KDM5A: variants seen among roughly 807,000 people sequenced by gnomAD.
The protein encoded by KDM5A is lysine demethylase 5A.
A neutral mutation model predicts 193.5 loss-of-function variants in KDM5A; 42 were observed. The ratio of observed to expected loss-of-function variants is 0.22; its 90% CI spans 0.17 to 0.28. KDM5A has a LOEUF of 0.28. Among genes scored for constraint, KDM5A ranks in the 10% least tolerant of loss-of-function variants. KDM5A has a pLI of 1.00. For missense variants in KDM5A, 1,692 were observed against 2,055.1 expected, an observed-to-expected ratio of 0.82 and a Z score of 3.42; for synonymous variants, 796 against 718.1, an observed-to-expected ratio of 1.11 and a Z score of -1.73.
intron 8 of KDM5A, among the ~76,000 whole-genome samples, chr12:352,828 G>GA (rs1223089833): frequency 6.6e-6 from 1 of 152,182 alleles, no homozygotes; most frequent in Non-Finnish European, 1.5e-5. Context: ...AACTGCCTCT[G>GA]AATCTTTCAA....
At chr12:382,935 A>C (rs2137497590) in intron 3 of KDM5A, among the ~76,000 whole-genome samples, 1 of 152,314 alleles carries the variant, frequency 6.6e-6, no homozygotes, top group East Asian at 1.9e-4. Flanking sequence ...CCATCTCAAA[A>C]AAAAGAGAAA....
At chr12:342,853 C>T (rs937803884) in intron 10 of KDM5A, among the ~76,000 whole-genome samples, 3 of 151,212 alleles carry the variant, frequency 2.0e-5, no homozygotes, top group East Asian at 2.0e-4. Flanking sequence ...CAGCTTCCAG[C>T]GTGCTCAACG....
chr12:313,975 G>A (rs75082855), intron 19 of KDM5A, among the ~76,000 whole-genome samples: 1,635 of 152,288 alleles, frequency 0.011, 14 homozygotes, highest in Middle Eastern at 0.027. Context: ...GGGTGATGTG[G>A]AGGGTTGGAG....
chr12:347,184 A>C (rs1944089245), intron 10 of KDM5A, among the ~76,000 whole-genome samples: 1 of 152,122 alleles, frequency 6.6e-6, no homozygotes, highest in Non-Finnish European at 1.5e-5. Flanking sequence ...AGAATAAAAC[A>C]CCTAGGAATC....
At chr12:326,567 A>C (rs1450623504) in intron 14 of KDM5A, among the ~76,000 whole-genome samples, 2 of 152,194 alleles carry the variant, frequency 1.3e-5, no homozygotes, top group African/African-American at 4.8e-5. Context: ...ACAGAAAGAA[A>C]CCACTGGATT....
At chr12:342,743 T>C (rs1944021798) in intron 10 of KDM5A, among the ~76,000 whole-genome samples, 2 of 144,842 alleles carry the variant, frequency 1.4e-5, no homozygotes, top group South Asian at 4.3e-4. Flanking sequence ...ATTACAGGCA[T>C]GGGCCACCGT....
intron 14 of KDM5A, among the ~76,000 whole-genome samples, chr12:328,281 A>G (rs77910030): frequency 0.012 from 1,894 of 152,252 alleles, 49 homozygotes; most frequent in African/African-American, 0.043. Flanking sequence ...CACGGTGTAA[A>G]CCTAATGAAG....
chr12:320,151 G>A (rs1370106623), intron 18 of KDM5A, among the ~76,000 whole-genome samples: 1 of 152,184 alleles, frequency 6.6e-6, no homozygotes, highest in African/African-American at 2.4e-5. Context: ...ATGAAATGGA[G>A]TAAGACAAGA....
chr12:322,962 A>T, intron 16 of KDM5A, 120 bp downstream of exon 16: 2 of 1,335,622 alleles, frequency 1.5e-6, no homozygotes, highest in Non-Finnish European at 1.1e-6. Context: ...CATTAATCTC[A>T]AATCTCATAG....
chr12:344,575 A>C (rs2137439720), intron 10 of KDM5A, among the ~76,000 whole-genome samples: 1 of 152,358 alleles, frequency 6.6e-6, no homozygotes, highest in South Asian at 2.1e-4. Context: ...CTCTCGGCAG[A>C]AACCCTACAA....
rs1184274635 is a variant in KDM5A, at chr12:365,926, C to A, written c.537+8G>T. 1 of 1,611,946 alleles carries A rather than the reference C, an allele frequency of 6.2e-7. No individual in the cohort carries two copies. Among genetic ancestry groups the A allele is most frequent in the East Asian group, 2.2e-5 (1 of 44,862 alleles). On this transcript the variant is annotated splice_region_variant and intron_variant, in intron 4 of 27. Coordinates refer to ENST00000399788, the MANE Select transcript of KDM5A (RefSeq NM_001042603.3). Reference sequence around the variant, plus strand: ...TCAACTTTTTCTAAAAAGAATAATGCATCTCACCATAAGGCTCACACCAGA... The same window carrying A: ...TCAACTTTTTCTAAAAAGAATAATGAATCTCACCATAAGGCTCACACCAGA...
chr12:326,907 G>T (rs903763026), intron 14 of KDM5A, among the ~76,000 whole-genome samples: 1 of 149,336 alleles, frequency 6.7e-6, no homozygotes, highest in Non-Finnish European at 1.5e-5. Flanking sequence ...GAAACCATTG[G>T]ATTTTGAAAT....
chr12:367,698 T>C (rs1213479519), intron 3 of KDM5A, among the ~76,000 whole-genome samples: 1 of 148,290 alleles, frequency 6.7e-6, no homozygotes, highest in Non-Finnish European at 1.5e-5. Flanking sequence ...TGAGACTCCA[T>C]CTCCGAAAAA....
At chr12:388,568 GAGAT>G (rs1294755271) in intron 1 of KDM5A, 2 of 376,740 alleles carry the variant, frequency 5.3e-6, no homozygotes, top group East Asian at 1.3e-4. Flanking sequence ...CTTGAATAAA[GAGAT>G]AGCCGACTAT....
chr12:299,799 T>C (rs748367890), intron 24 of KDM5A, among the ~76,000 whole-genome samples: 15 of 151,806 alleles, frequency 9.9e-5, no homozygotes, highest in Non-Finnish European at 1.6e-4. Context: ...AGGAGACCCA[T>C]CTTACTCACA....
chr12:346,881 C>G (rs1321067562), intron 10 of KDM5A, among the ~76,000 whole-genome samples: 9 of 152,192 alleles, frequency 5.9e-5, no homozygotes, highest in Admixed American at 5.9e-4. Flanking sequence ...TCTCTCACCA[C>G]TCCTATTCAA....
intron 3 of KDM5A, among the ~76,000 whole-genome samples, chr12:370,659 A>G (rs1204981586): frequency 3.9e-5 from 6 of 151,950 alleles, no homozygotes; most frequent in Admixed American, 3.9e-4. Context: ...GTACATGTGC[A>G]CAACGTGCAG....
intron 5 of KDM5A, among the ~76,000 whole-genome samples, chr12:360,815 A>T (rs989945692): frequency 3.3e-5 from 5 of 152,176 alleles, no homozygotes; most frequent in Non-Finnish European, 7.3e-5. Context: ...TATTGGGAGG[A>T]ATGGAATTCA....
chr12:376,483 C>T (rs1944505878), intron 3 of KDM5A, among the ~76,000 whole-genome samples: 2 of 152,358 alleles, frequency 1.3e-5, no homozygotes, highest in Admixed American at 1.3e-4. Context: ...TCTGTCACAG[C>T]TTCCCTTGGC....
Sources: gnomAD v4.1 joint callset for allele counts (sites outside exome capture counted in the v4.1 genomes callset) on GRCh38, gnomAD v4.1.1 for gene constraint, MANE v1.5 for transcripts, NCBI Gene and HGNC (gene_info 2026-07-23, HGNC 2026-07-21) for gene names.